Variants in SGCZ observed in about 807,000 individuals in gnomAD.
SGCZ encodes zeta-sarcoglycan.
A neutral mutation model predicts 41.3 loss-of-function variants in SGCZ; 40 were observed. The observed-to-expected ratio is 0.97, with a 90% CI of 0.75 to 1.26. The LOEUF (loss-of-function observed/expected upper bound fraction) is 1.26. SGCZ is among the 50% of genes most tolerant of loss of function. The probability of loss-of-function intolerance (pLI) is 0.00; values close to 1 mark genes in which losing one functional copy is unlikely to be tolerated. For synonymous variants in SGCZ, 206 were observed against 137.5 expected, an observed-to-expected ratio of 1.50 and a Z score of -3.49; for missense variants, 552 against 369.8, an observed-to-expected ratio of 1.49 and a Z score of -4.04.
chr8:14,374,197 G>A (rs1215189627), intron 2 of SGCZ, among the ~76,000 whole-genome samples: 1 of 152,028 alleles, frequency 6.6e-6, no homozygotes, highest in Non-Finnish European at 1.5e-5. Context: ...GGACAACATG[G>A]CAAAACACTG....
chr8:14,406,484 C>T lies in SGCZ; in HGVS notation c.235-82280G>A, dbSNP rs1347380289. 3.9e-5 allele frequency among the ~76,000 whole-genome samples: 6 copies of T among 152,170 alleles called. No homozygotes were observed. In the East Asian group the frequency reaches 5.8e-4, roughly 15 times the overall value. On this transcript the variant is annotated intron_variant, in intron 2 of 7. Coordinates refer to ENST00000382080, the MANE Select transcript of SGCZ (RefSeq NM_139167.4). ...TTGCTGGGGAGCCAGATGCTTAAAT[C>T]GTAGCTGGAATATAGTGGGCACTGA...
intron 2 of SGCZ, among the ~76,000 whole-genome samples, chr8:14,370,404 T>C (rs545606958): frequency 2.6e-5 from 4 of 151,896 alleles, no homozygotes; most frequent in African/African-American, 9.7e-5. Context: ...TATCAGATAC[T>C]ATGCCAAGCA....
At chr8:14,720,519 C>A (rs1585208127) in intron 1 of SGCZ, among the ~76,000 whole-genome samples, 1 of 151,932 alleles carries the variant, frequency 6.6e-6, no homozygotes, top group East Asian at 1.9e-4. Context: ...ACCTAAGGTT[C>A]CACTGGATTT....
chr8:14,855,293 G>A lies in SGCZ; in HGVS notation c.40-300367C>T, dbSNP rs187618576. On this transcript the variant is annotated intron_variant, in intron 1 of 7. Coordinates refer to ENST00000382080, the MANE Select transcript of SGCZ (RefSeq NM_139167.4). ...TTGAACTCCTGACCTCAAGTGATCCGCCTGCTTTGGCCTCACAAAGTGCTG... is the reference window on the plus strand; with the variant it reads ...TTGAACTCCTGACCTCAAGTGATCCACCTGCTTTGGCCTCACAAAGTGCTG... Among the ~76,000 whole-genome samples the A allele has an allele frequency of 3.7e-4, 57 of 152,102 alleles. No individual in the cohort carries two copies. In the South Asian group the frequency reaches 8.5e-3, roughly 23 times the overall value.
At chr8:14,765,917 C>A (rs1800021035) in intron 1 of SGCZ, among the ~76,000 whole-genome samples, 2 of 151,232 alleles carry the variant, frequency 1.3e-5, no homozygotes, top group South Asian at 4.2e-4. Flanking sequence ...TCATCACTGT[C>A]ATTACCACAT....
intron 1 of SGCZ, among the ~76,000 whole-genome samples, chr8:15,122,369 T>C (rs1807515480): frequency 6.6e-6 from 1 of 152,162 alleles, no homozygotes; most frequent in East Asian, 1.9e-4. Flanking sequence ...ATAAGATTGC[T>C]TTTCATTTTC....
intron 2 of SGCZ, among the ~76,000 whole-genome samples, chr8:14,442,005 C>T (rs756364620): frequency 3.4e-4 from 52 of 152,376 alleles, no homozygotes; most frequent in Non-Finnish European, 5.9e-4. Context: ...GAAAGCCATA[C>T]ATTCCCCTGC....
intron 1 of SGCZ, among the ~76,000 whole-genome samples, chr8:14,708,329 A>G (rs903773297): frequency 8.5e-5 from 13 of 152,078 alleles, no homozygotes; most frequent in African/African-American, 3.1e-4. Context: ...TTGAGATAGT[A>G]AATATCTATT....
intron 2 of SGCZ, among the ~76,000 whole-genome samples, chr8:14,333,260 G>C (rs189372504): frequency 1.1e-4 from 16 of 152,114 alleles, no homozygotes; most frequent in African/African-American, 3.6e-4. Flanking sequence ...AAAGCCAAGG[G>C]TGCTATCATA....
At chr8:14,390,720 C>T (rs988268520) in intron 2 of SGCZ, among the ~76,000 whole-genome samples, 32 of 151,958 alleles carry the variant, frequency 2.1e-4, no homozygotes, top group African/African-American at 7.0e-4. Flanking sequence ...TATTTAGATG[C>T]TGACTTAATA....
chr8:14,988,919 A>G (rs1427713901), intron 1 of SGCZ, among the ~76,000 whole-genome samples: 2 of 152,176 alleles, frequency 1.3e-5, no homozygotes, highest in African/African-American at 4.8e-5. Context: ...GAGGGGGGGC[A>G]TTGATTACGA....
At chr8:14,846,790 C>T (rs887780886) in intron 1 of SGCZ, among the ~76,000 whole-genome samples, 2 of 150,996 alleles carry the variant, frequency 1.3e-5, no homozygotes, top group Non-Finnish European at 2.9e-5. Flanking sequence ...GAATACCAGG[C>T]CAGAAGCAGT....
chr8:14,921,935 T>C (rs1184337140), intron 1 of SGCZ, among the ~76,000 whole-genome samples: 1 of 152,160 alleles, frequency 6.6e-6, no homozygotes, highest in East Asian at 1.9e-4. Context: ...CAGTAATCTA[T>C]GAAAACGTGC....
intron 1 of SGCZ, among the ~76,000 whole-genome samples, chr8:15,026,461 T>C (rs1803460377): frequency 2.0e-5 from 3 of 152,122 alleles, no homozygotes; most frequent in South Asian, 2.1e-4. Flanking sequence ...AAGATAAAAA[T>C]TACAGACAAA....
At chr8:14,498,578 C>T (rs904288857) in intron 2 of SGCZ, among the ~76,000 whole-genome samples, 10 of 151,928 alleles carry the variant, frequency 6.6e-5, no homozygotes, top group Non-Finnish European at 1.5e-4. Context: ...ATTCTTTTGC[C>T]TTTTCTTAAC....
chr8:14,444,139 G>A (rs1010222851), intron 2 of SGCZ, among the ~76,000 whole-genome samples: 33 of 152,160 alleles, frequency 2.2e-4, no homozygotes, highest in African/African-American at 5.1e-4. Flanking sequence ...TTAGAATGGC[G>A]ATCATTAAAA....
intron 4 of SGCZ, among the ~76,000 whole-genome samples, chr8:14,198,604 A>G (rs1161876213): frequency 1.3e-5 from 2 of 151,816 alleles, no homozygotes; most frequent in African/African-American, 4.8e-5. Flanking sequence ...AAGTTGAAAA[A>G]AAAGAGGAAA....
Position 14,923,132 on chromosome 8 carries a change from A to G in SGCZ, c.39+314453T>C, listed in dbSNP as rs145180777. Among the ~76,000 whole-genome samples the G allele has an allele frequency of 5.0e-3, 769 of 152,296 alleles. 8 individuals are homozygous for G. The highest frequency in any genetic ancestry group is 0.018 in the African/African-American group (728 of 41,564). On this transcript the variant is annotated intron_variant, in intron 1 of 7. Coordinates refer to ENST00000382080, the MANE Select transcript of SGCZ (RefSeq NM_139167.4). ...CATCTCCTGACAGGAAAAAGAAACT[A>G]TGAGCTCAAGTAAAATTGTCCAAAA...
intron 1 of SGCZ, among the ~76,000 whole-genome samples, chr8:14,837,560 C>T (rs1802742665): frequency 6.6e-6 from 1 of 152,252 alleles, no homozygotes; most frequent in South Asian, 2.1e-4. Flanking sequence ...GGAGGCAAAA[C>T]TGGTAAGTGA....
Sources: gnomAD v4.1 joint callset for allele counts (sites outside exome capture counted in the v4.1 genomes callset) on GRCh38, gnomAD v4.1.1 for gene constraint, MANE v1.5 for transcripts, NCBI Gene and HGNC (gene_info 2026-07-23, HGNC 2026-07-21) for gene names.